OGDH: variants seen among roughly 807,000 people sequenced by gnomAD.
The protein encoded by OGDH is oxoglutarate dehydrogenase.
OGDH carries 38 observed loss-of-function variants against 116.6 expected under a neutral mutation model. The observed-to-expected ratio is 0.33, with a 90% CI of 0.25 to 0.43. The LOEUF is 0.43. Ranked by LOEUF, OGDH falls within the 20% of genes least tolerant of loss-of-function variation. OGDH has a pLI of 1.00. For synonymous variants in OGDH, 488 were observed against 533.3 expected, an observed-to-expected ratio of 0.92 and a Z score of 1.17; for missense variants, 825 against 1,357.2, an observed-to-expected ratio of 0.61 and a Z score of 6.16.
chr7:44,695,627 C>T (rs1035524185), intron 12 of OGDH, among the ~76,000 whole-genome samples: 2 of 151,148 alleles, frequency 1.3e-5, no homozygotes, highest in Non-Finnish European at 2.9e-5. Context: ...CGCTTGAACC[C>T]GGGAGGCGGA....
At chr7:44,684,160 G>A (rs879287624) in intron 10 of OGDH, among the ~76,000 whole-genome samples, 4 of 152,148 alleles carry the variant, frequency 2.6e-5, no homozygotes, top group Non-Finnish European at 4.4e-5. Flanking sequence ...GAGTGGACAA[G>A]GCCATCGCAG....
intron 3 of OGDH, 66 bp downstream of exon 3, chr7:44,645,584 C>T (rs1786137984): frequency 4.1e-6 from 6 of 1,450,870 alleles, no homozygotes; most frequent in Non-Finnish European, 5.7e-6. Context: ...GCCTCATGGG[C>T]CCTATTGGCC....
At chr7:44,698,123 G>C (rs1274002153) in intron 17 of OGDH, 69 bp from the exon 18 acceptor site, 6 of 1,548,176 alleles carry the variant, frequency 3.9e-6, no homozygotes, top group Non-Finnish European at 5.4e-6. Flanking sequence ...TGGTTGAGGA[G>C]GAACAGCAGA....
At chr7:44,627,787 G>A (rs1010899622) in intron 2 of OGDH, among the ~76,000 whole-genome samples, 2 of 151,970 alleles carry the variant, frequency 1.3e-5, no homozygotes, top group East Asian at 1.9e-4. Context: ...AGTGATTCTC[G>A]TGCCTCAGCC....
chr7:44,707,420 C>A lies in OGDH; in HGVS notation c.2796+32C>A. On this transcript the variant is annotated intron_variant, in intron 21 of 22. Transcript: ENST00000222673. This position sits in a 1 kb window ranked among gnomAD's most constrained non-coding sequence, Gnocchi z 5.2. The stretch of plus-strand genomic sequence containing the variant: ...GCAGGTGGTGCCATCAGGGTGTCCC[C>A]CCAGCGGGGGTCAGGGCTCTGGTGC... 1.9e-6 allele frequency: 3 copies of A among 1,612,700 alleles called. No homozygotes were observed. The highest frequency in any genetic ancestry group is 2.5e-6 in the Non-Finnish European group (3 of 1,179,170).
chr7:44,635,985 G>A (rs190852054), intron 2 of OGDH, among the ~76,000 whole-genome samples: 1 of 152,360 alleles, frequency 6.6e-6, no homozygotes, highest in African/African-American at 2.4e-5. Flanking sequence ...TTGCAGGCGT[G>A]AGCCACTACA....
intron 2 of OGDH, 26 bp downstream of exon 2, chr7:44,624,591 G>A: frequency 6.3e-7 from 1 of 1,598,868 alleles, no homozygotes; most frequent in Non-Finnish European, 8.6e-7. Context: ...CTGTGGGTCT[G>A]CCTCATGTTG....
chr7:44,662,492 T>A (rs1786992027), intron 4 of OGDH, among the ~76,000 whole-genome samples: 1 of 149,252 alleles, frequency 6.7e-6, no homozygotes, highest in East Asian at 2.0e-4. Flanking sequence ...AGACAGAGTC[T>A]CACTCTGTTG....
intron 5 of OGDH, among the ~76,000 whole-genome samples, chr7:44,671,010 C>CAAAAAAAAAAAAAAAA (rs111818473): frequency 4.4e-5 from 3 of 68,610 alleles, no homozygotes; most frequent in Non-Finnish European, 7.2e-5. Flanking sequence ...GACTCCATCT[C>CAAAAAAAAAAAAAAAA]AAAAAAAAAA....
In OGDH at chr7:44,707,963, G is replaced by C; in HGVS notation, c.3036G>C (p.Thr1012=). The stretch of plus-strand genomic sequence containing the variant: ...CGGAGCTGCAGCGCCTCCTGGACAC[G>C]GCCTTCGACCTGGACGTCTTCAAGA... ...HLTELQRLLD[T]AFDLDVFKNF... is the part of the protein sequence containing the mutation. Residue 1012 remains threonine (T), a synonymous_variant, in exon 23 of 23, where the codon ACG becomes ACC. Coordinates refer to ENST00000222673, the MANE Select transcript of OGDH (RefSeq NM_002541.4). The surrounding 1 kb of genome is among the most constrained non-coding windows in gnomAD (Gnocchi z 5.2). The C allele has an allele frequency of 1.9e-6, 3 of 1,613,774 alleles. No individual in the cohort carries two copies.
chr7:44,705,300 C>G (rs1789023828), intron 20 of OGDH, among the ~76,000 whole-genome samples: 1 of 151,432 alleles, frequency 6.6e-6, no homozygotes, highest in African/African-American at 2.4e-5. Flanking sequence ...GATCCGCCCG[C>G]CTCGGCCTCC....
At chr7:44,669,077 T>C (rs1328989264) in intron 5 of OGDH, among the ~76,000 whole-genome samples, 1 of 151,304 alleles carries the variant, frequency 6.6e-6, no homozygotes, top group Non-Finnish European at 1.5e-5. Flanking sequence ...GATACCAGCC[T>C]GTGCTGAGAG....
At chr7:44,668,280 T>G (rs1455336675) in intron 5 of OGDH, among the ~76,000 whole-genome samples, 1 of 152,030 alleles carries the variant, frequency 6.6e-6, no homozygotes, top group African/African-American at 2.4e-5. Flanking sequence ...CTATTAAAAA[T>G]ACAAAAATTA....
At chr7:44,621,866 G>C (rs1340132116) in intron 1 of OGDH, among the ~76,000 whole-genome samples, 1 of 134,876 alleles carries the variant, frequency 7.4e-6, no homozygotes, top group African/African-American at 2.5e-5. Flanking sequence ...GCAAGACTCC[G>C]TATCAAAAAA....
chr7:44,707,446 C>CT lies in OGDH; in HGVS notation c.2796+60dup. 6.2e-7 allele frequency: 1 copy of CT among 1,605,170 alleles called. No homozygotes were observed. Among genetic ancestry groups the CT allele is most frequent in the South Asian group, 1.1e-5 (1 of 90,028 alleles). On this transcript the variant is annotated intron_variant, in intron 21 of 22. Coordinates refer to ENST00000222673, the MANE Select transcript of OGDH (RefSeq NM_002541.4). This position sits in a 1 kb window ranked among gnomAD's most constrained non-coding sequence, Gnocchi z 5.2. ...CCAGCGGGGGTCAGGGCTCTGGTGC[C>CT]TTCACAGAACAGCCTTGCTTGGGGT...
At chr7:44,674,622 G>A (rs1787608887) in intron 7 of OGDH, 65 bp downstream of exon 7, 2 of 1,579,058 alleles carry the variant, frequency 1.3e-6, no homozygotes, top group East Asian at 4.5e-5. Flanking sequence ...GGAGGCACCA[G>A]GTAAAGGCAC....
intron 3 of OGDH, among the ~76,000 whole-genome samples, chr7:44,646,898 G>C (rs757702): frequency 6.6e-6 from 1 of 151,982 alleles, no homozygotes; most frequent in Non-Finnish European, 1.5e-5. Flanking sequence ...CTCCTCCCCA[G>C]TTAAGGCCAA....
At chr7:44,665,002 A>G (rs111284581) in intron 4 of OGDH, among the ~76,000 whole-genome samples, 203 of 152,358 alleles carry the variant, frequency 1.3e-3, no homozygotes, top group African/African-American at 4.2e-3. Context: ...ATATAGTTTC[A>G]CAATCAAAAT....
chr7:44,707,085 A>G lies in OGDH; in HGVS notation c.2633-140A>G. 2.5e-6 allele frequency: 2 copies of G among 805,088 alleles called. No homozygotes were observed. The highest frequency in any genetic ancestry group is 3.9e-6 in the Non-Finnish European group (2 of 513,810). 49.9% of individuals were successfully genotyped at this position (805,088 alleles called of 1,614,324 possible). A position where few individuals can be genotyped will look rare whatever the true frequency, so the allele number is the denominator to read the frequency against. On this transcript the variant is annotated intron_variant, in intron 20 of 22. Coordinates refer to ENST00000222673, the MANE Select transcript of OGDH (RefSeq NM_002541.4). This position sits in a 1 kb window ranked among gnomAD's most constrained non-coding sequence, Gnocchi z 5.2. ...CTGGTCTGAGCAAATACAGGGCATC[A>G]GAGGCTGGTGAAGGGGAAGCATCTC...
Sources: gnomAD v4.1 joint callset for allele counts (sites outside exome capture counted in the v4.1 genomes callset) on GRCh38, gnomAD v4.1.1 for gene constraint, Gnocchi (gnomAD v3.1) non-coding constraint, MANE v1.5 for transcripts, NCBI Gene and HGNC (gene_info 2026-07-23, HGNC 2026-07-21) for gene names.